The following VWA3A variants were observed in gnomAD, a reference collection of about 807,000 sequenced individuals.
VWA3A encodes von Willebrand factor A domain-containing protein 3A.
Under a neutral mutation model 160.4 loss-of-function variants are expected in VWA3A, and 134 were observed. That is an observed-to-expected ratio of 0.84 (90% CI 0.73 to 0.96). VWA3A has a LOEUF of 0.96. Among genes scored for constraint, VWA3A ranks in the 40% least tolerant of loss-of-function variants. The pLI is 0.00. For missense variants in VWA3A, 1,310 were observed against 1,447.9 expected (o/e 0.90, Z 1.55); for synonymous variants, 476 against 543.4 (o/e 0.88, Z 1.72).
At chr16:22,125,336 C>T (rs1450716108) in intron 16 of VWA3A, among the ~76,000 whole-genome samples, 1 of 151,824 alleles carries the variant, frequency 6.6e-6, no homozygotes, top group African/African-American at 2.4e-5. Context: ...CAGTGAGCCA[C>T]GATCGCACCA....
intron 4 of VWA3A, 29 bp downstream of exon 4, chr16:22,100,347 C>G (rs369782153): frequency 2.6e-6 from 4 of 1,551,648 alleles, no homozygotes; most frequent in Non-Finnish European, 2.6e-6. Flanking sequence ...CCCGCACCCC[C>G]CACAGCTGCA....
intron 12 of VWA3A, among the ~76,000 whole-genome samples, chr16:22,119,657 G>A (rs971237630): frequency 4.6e-5 from 7 of 152,194 alleles, no homozygotes; most frequent in African/African-American, 1.2e-4. Flanking sequence ...GCAACAGAGC[G>A]AGGCCCTGTC....
intron 21 of VWA3A, among the ~76,000 whole-genome samples, chr16:22,135,615 G>A (rs1285877443): frequency 6.6e-6 from 1 of 152,030 alleles, no homozygotes; most frequent in Non-Finnish European, 1.5e-5. Flanking sequence ...GAAGCCATTG[G>A]TTTTAGGTCT....
Position 22,149,941 on chromosome 16 carries a change from A to C in VWA3A, c.3129+10A>C. The stretch of plus-strand genomic sequence containing the variant: ...CTTGCAAGCATTGCTGGCAAGTCCC[A>C]CCACGGAGCCCGACCTTGACGCAAA... On this transcript the variant is annotated intron_variant, in intron 29 of 33. Transcript: ENST00000389398. The C allele has an allele frequency of 6.3e-7, 1 of 1,597,504 alleles. No individual in the cohort carries two copies. Among genetic ancestry groups the C allele is most frequent in the Non-Finnish European group, 8.6e-7 (1 of 1,169,262 alleles).
Position 22,155,665 on chromosome 16 carries a change from G to A in VWA3A, c.3503+1G>A. ...TCCTCTGGCAGGCCCAATCCTTCAG[G>A]TATGCCCTTCACGCAGCCTCTCCGG... is the stretch of plus-strand genomic sequence containing the variant. On this transcript the variant is annotated splice_donor_variant, in intron 32 of 33. Transcript: ENST00000389398. LOFTEE classifies it high-confidence loss of function. 6.2e-7 allele frequency: 1 copy of A among 1,613,784 alleles called. No homozygotes were observed. Among genetic ancestry groups the A allele is most frequent in the Non-Finnish European group, 8.5e-7 (1 of 1,179,824 alleles).
At chr16:22,138,688 C>A in intron 22 of VWA3A, 176 bp downstream of exon 22, 1 of 837,986 alleles carries the variant, frequency 1.2e-6, no homozygotes, top group Non-Finnish European at 1.8e-6. Flanking sequence ...CGCGGGGGGC[C>A]GGCTCCTCAG....
At chr16:22,134,940 G>A (rs2046014091) in intron 21 of VWA3A, among the ~76,000 whole-genome samples, 1 of 152,162 alleles carries the variant, frequency 6.6e-6, no homozygotes. Flanking sequence ...ATAGAACTGG[G>A]CACAGTGGAT....
intron 16 of VWA3A, among the ~76,000 whole-genome samples, chr16:22,124,926 A>G (rs904483298): frequency 2.0e-5 from 3 of 152,158 alleles, no homozygotes; most frequent in Non-Finnish European, 4.4e-5. Context: ...AGGTGGGAAT[A>G]TAAGTTTGAA....
At chr16:22,147,722 G>C in intron 27 of VWA3A, 1 of 698,888 alleles carries the variant, frequency 1.4e-6, no homozygotes, top group African/African-American at 1.7e-5. Context: ...ATTACCCCTG[G>C]GAACGGTGAC....
intron 7 of VWA3A, 80 bp from the exon 8 acceptor site, chr16:22,110,808 G>T: frequency 2.2e-6 from 3 of 1,354,070 alleles, no homozygotes; most frequent in South Asian, 2.7e-5. Flanking sequence ...GCCCAGAGGG[G>T]CCAGCAAAGG....
At chr16:22,103,566 C>G in intron 6 of VWA3A, 37 bp downstream of exon 6, 1 of 1,548,362 alleles carries the variant, frequency 6.5e-7, no homozygotes, top group Non-Finnish European at 8.7e-7. Flanking sequence ...CCCCCTTTCA[C>G]TCATTCCATT....
At chr16:22,131,836 C>G in intron 19 of VWA3A, 107 bp downstream of exon 19, 1 of 1,417,042 alleles carries the variant, frequency 7.1e-7, no homozygotes, top group South Asian at 1.5e-5. Flanking sequence ...TAAACCAGTG[C>G]TTCTCAAACT....
Position 22,123,667 on chromosome 16 carries a change from C to G in VWA3A, c.1492C>G (p.Leu498Val). The G allele has an allele frequency of 6.2e-7, 1 of 1,613,960 alleles. No homozygotes were observed. Among genetic ancestry groups the G allele is most frequent in the Non-Finnish European group, 8.5e-7 (1 of 1,179,882 alleles). Residue 498 changes from leucine (L) to valine (V), a missense_variant, in exon 16 of 34, where the codon CTG becomes GTG. Leu to Val is a conservative substitution (Grantham distance 32). Coordinates refer to ENST00000389398, the MANE Select transcript of VWA3A (RefSeq NM_173615.5). Reference sequence around the variant, plus strand: ...TGAGAGGCGGATTGAGTGGCTCTCCCTGGCCAGCAGAAGAATCTGGGGCAC... The same window carrying G: ...TGAGAGGCGGATTGAGTGGCTCTCCGTGGCCAGCAGAAGAATCTGGGGCAC... ...MYERRIEWLSLASRRIWGTVC... is the reference protein window; with the variant it reads ...MYERRIEWLSVASRRIWGTVC...
At chr16:22,096,675 G>C (rs1353795325) in intron 1 of VWA3A, among the ~76,000 whole-genome samples, 184 bp from the exon 2 acceptor site, 1 of 151,962 alleles carries the variant, frequency 6.6e-6, no homozygotes, top group Non-Finnish European at 1.5e-5. Flanking sequence ...AGCCTGGGAG[G>C]TCAAGGCTAC....
chr16:22,134,108 T>C (rs1028596253), intron 20 of VWA3A, among the ~76,000 whole-genome samples: 6 of 152,022 alleles, frequency 3.9e-5, no homozygotes, highest in African/African-American at 1.5e-4. Context: ...GGACTACAGG[T>C]GTCCACCACC....
chr16:22,137,864 T>C (rs1213734303), intron 21 of VWA3A, among the ~76,000 whole-genome samples: 1 of 152,200 alleles, frequency 6.6e-6, no homozygotes, highest in Admixed American at 6.5e-5. Context: ...CTTGTGATTC[T>C]GAAGTCAGAA....
At chr16:22,148,693 C>G (rs1275769853) in intron 28 of VWA3A, among the ~76,000 whole-genome samples, 1 of 152,072 alleles carries the variant, frequency 6.6e-6, no homozygotes, top group African/African-American at 2.4e-5. Context: ...ATCACTTGAG[C>G]CCAGGAGGTT....
At chr16:22,146,200 T>TG (rs1188486986) in intron 26 of VWA3A, 36 bp from the exon 27 acceptor site, 2 of 1,523,536 alleles carry the variant, frequency 1.3e-6, no homozygotes, top group Admixed American at 1.7e-5. Flanking sequence ...AAATGACTGA[T>TG]GGGGTGGGTG....
Position 22,146,235 on chromosome 16 carries a change from G to C in VWA3A, c.2731-1G>C, listed in dbSNP as rs1256753758. On this transcript the variant is annotated splice_acceptor_variant, in intron 26 of 33. Coordinates refer to ENST00000389398, the MANE Select transcript of VWA3A (RefSeq NM_173615.5). LOFTEE classifies it high-confidence loss of function. The stretch of plus-strand genomic sequence containing the variant: ...GCTTGCCTCTGCTTGCCTTAACCCA[G>C]GGAGTGGTGAGACACATCCAGTGGA... 2.5e-6 allele frequency: 4 copies of C among 1,612,800 alleles called. No individual in the cohort carries two copies. The highest frequency in any genetic ancestry group is 3.4e-6 in the Non-Finnish European group (4 of 1,179,286).
Sources: gnomAD v4.1 joint callset for allele counts (sites outside exome capture counted in the v4.1 genomes callset) on GRCh38, gnomAD v4.1.1 for gene constraint, MANE v1.5 for transcripts, NCBI Gene and HGNC (gene_info 2026-07-23, HGNC 2026-07-21) for gene names.